Variants in USP4 observed in about 807,000 individuals in gnomAD.
USP4 encodes ubiquitin specific peptidase 4, also known as ubiquitin carboxyl-terminal hydrolase 4.
USP4 carries 72 observed loss-of-function variants against 118.2 expected under a neutral mutation model. The ratio of observed to expected loss-of-function variants is 0.61; its 90% CI spans 0.50 to 0.74. The LOEUF is 0.74. Ranked by LOEUF, USP4 falls within the 30% of genes least tolerant of loss-of-function variation. The pLI is 0.00. For synonymous variants in USP4, 415 were observed against 440.4 expected (o/e 0.94, Z 0.72); for missense variants, 1,037 against 1,185.7 (o/e 0.87, Z 1.84).
chr3:49,280,356 T>C (rs1259107583), intron 20 of USP4, among the ~76,000 whole-genome samples: 2 of 151,156 alleles, frequency 1.3e-5, no homozygotes, highest in Non-Finnish European at 2.9e-5. Context: ...GGTCAGGAGA[T>C]CGAGACCATC....
At chr3:49,338,868 C>A (rs933371054) in intron 1 of USP4, among the ~76,000 whole-genome samples, 4 of 152,068 alleles carry the variant, frequency 2.6e-5, no homozygotes, top group African/African-American at 4.8e-5. Context: ...AACACTCGGG[C>A]CGAGCACGGT....
chr3:49,335,473 A>C lies in USP4; in HGVS notation c.225T>G (p.Phe75Leu). ...FPGPIDNSGLFSDPESQTLKE... is the reference protein window; with the variant it reads ...FPGPIDNSGLLSDPESQTLKE... ...GAAAAGCAACATTTACTATACCTGAAAATAGCCCAGAGTTGTCTATTGGGC... is the reference window on the plus strand; with the variant it reads ...GAAAAGCAACATTTACTATACCTGACAATAGCCCAGAGTTGTCTATTGGGC... Residue 75 changes from phenylalanine (F) to leucine (L), a missense_variant, in exon 2 of 22, where the codon TTT becomes TTG. This residue lies in a region of USP4 where 487 missense variants were observed against 534.1 expected (regional missense o/e 0.91). Coordinates refer to ENST00000265560, the MANE Select transcript of USP4 (RefSeq NM_003363.4). The C allele has an allele frequency of 6.2e-7, 1 of 1,614,224 alleles. No homozygotes were observed.
intron 11 of USP4, 99 bp downstream of exon 11, chr3:49,300,368 G>T: frequency 1.9e-6 from 2 of 1,077,662 alleles, no homozygotes; most frequent in Non-Finnish European, 1.4e-6. Context: ...AAGTACCAAG[G>T]GGACTCAGAG....
rs1456794281 is a variant in USP4 at position 49,277,294 on chromosome 3, C to T, written c.*999G>A. The T allele has an allele frequency of 1.6e-6, 2 of 1,237,326 alleles. No individual in the cohort carries two copies. The highest frequency in any genetic ancestry group is 5.8e-5 in the East Asian group (1 of 17,328). The allele number at this position is 1,237,326 out of a possible 1,614,324, so 76.6% of individuals were successfully genotyped here. On this transcript the variant is annotated 3_prime_UTR_variant, in exon 22 of 22. Coordinates refer to ENST00000265560, the MANE Select transcript of USP4 (RefSeq NM_003363.4). ...GAAGGTCAGACAAAAAATCCCGGAC[C>T]CATACGTCCGGTTCCTTAAGGCCTT...
chr3:49,321,164 G>A (rs182107172), intron 6 of USP4, among the ~76,000 whole-genome samples: 11 of 152,132 alleles, frequency 7.2e-5, no homozygotes, highest in African/African-American at 2.4e-4. Context: ...TGCTTAATAC[G>A]CTAATTTGCA....
intron 11 of USP4, 110 bp downstream of exon 11, chr3:49,300,356 GC>G: frequency 1.1e-6 from 1 of 925,362 alleles, no homozygotes; most frequent in Non-Finnish European, 1.7e-6. Flanking sequence ...CCATACCCAG[GC>G]AAGTACCAAG....
At position 49,294,570 on chromosome 3, in the gene USP4, C is replaced by A; in HGVS notation, c.1720G>T (p.Gly574Cys). The change falls in exon 14 of 22, where the codon GGC (glycine) becomes TGC (cysteine). Residue 574 changes from glycine to cysteine, a missense_variant. Coordinates refer to ENST00000265560, the MANE Select transcript of USP4 (RefSeq NM_003363.4). ...ACTGGAAGCGTGACACATTCCGAGC[C>A]ATCCACGGAAGTGCTGCAGACCTCG... Reference protein sequence around the residue: ...VYEVCSTSVDGSECVTLPVYF... With the variant: ...VYEVCSTSVDCSECVTLPVYF... 3.1e-6 allele frequency: 5 copies of A among 1,614,088 alleles called. No individual in the cohort carries two copies. Among genetic ancestry groups the A allele is most frequent in the Non-Finnish European group, 4.2e-6 (5 of 1,179,992 alleles).
chr3:49,308,977 C>T (rs531480822), intron 8 of USP4, among the ~76,000 whole-genome samples: 3 of 144,572 alleles, frequency 2.1e-5, no homozygotes, highest in East Asian at 4.1e-4. Context: ...GGTTGCAGTG[C>T]GTCAAGATTG....
intron 1 of USP4, among the ~76,000 whole-genome samples, chr3:49,338,419 G>A (rs1283787388): frequency 6.6e-6 from 1 of 151,916 alleles, no homozygotes; most frequent in Non-Finnish European, 1.5e-5. Flanking sequence ...CAGCACTTTG[G>A]GAGGCCACAG....
At chr3:49,338,635 A>G (rs1368591560) in intron 1 of USP4, among the ~76,000 whole-genome samples, 1 of 146,492 alleles carries the variant, frequency 6.8e-6, no homozygotes, top group Non-Finnish European at 1.5e-5. Flanking sequence ...GCCCTCCAGC[A>G]TGGGCAACAA....
chr3:49,291,186 G>A (rs1053203483), intron 15 of USP4, among the ~76,000 whole-genome samples: 5 of 150,054 alleles, frequency 3.3e-5, no homozygotes, highest in Admixed American at 6.6e-5. Context: ...GGATAGTTTC[G>A]ATCTCCTGAC....
At chr3:49,335,003 T>A (rs558740912) in intron 2 of USP4, among the ~76,000 whole-genome samples, 1 of 152,310 alleles carries the variant, frequency 6.6e-6, no homozygotes, top group East Asian at 1.9e-4. Flanking sequence ...ACTACAGTCA[T>A]AACTCTGTCT....
intron 8 of USP4, among the ~76,000 whole-genome samples, chr3:49,309,526 GAT>G (rs1427804958): frequency 2.7e-5 from 4 of 150,916 alleles, no homozygotes; most frequent in African/African-American, 9.7e-5. Flanking sequence ...CCAGAGTTGT[GAT>G]TACAGGTGTG....
Position 49,324,894 on chromosome 3 carries a change from C to T in USP4, c.633G>A (p.Gln211=). ...TVQDAGLYQG[Q]VLVIEPQNED... The stretch of plus-strand genomic sequence containing the variant: ...TGGGGAATGGCCAGGGCCCTCCTAC[C>T]TGACCCTGGTATAGCCCAGCATCCT... The change falls in exon 5 of 22, where the codon CAG becomes CAA. Residue 211 remains glutamine (Q), a splice_region_variant and synonymous_variant. Transcript: ENST00000265560. 1 of 1,614,160 alleles carries T rather than the reference C, an allele frequency of 6.2e-7. No homozygotes were observed. The highest frequency in any genetic ancestry group is 8.5e-7 in the Non-Finnish European group (1 of 1,180,006).
intron 1 of USP4, among the ~76,000 whole-genome samples, chr3:49,337,329 C>T (rs2047679093): frequency 6.6e-6 from 1 of 152,028 alleles, no homozygotes; most frequent in South Asian, 2.1e-4. Context: ...TACACATACA[C>T]ATGTACATAT....
chr3:49,309,614 G>A (rs1319812342), intron 8 of USP4, among the ~76,000 whole-genome samples: 2 of 138,894 alleles, frequency 1.4e-5, no homozygotes, highest in Non-Finnish European at 3.1e-5. Context: ...CATGGGGCGG[G>A]ACAGCTTTTT....
rs1425505874 is a variant in USP4 at position 49,325,567 on chromosome 3, GGC to G, written c.487+150_487+151del. ...CTCCATAAGAATTCCTGGAGGAATA[GGC>G]CCCCAGGTCAGGACTGGCAACTACA... On this transcript the variant is annotated intron_variant, in intron 4 of 21. Coordinates refer to ENST00000265560, the MANE Select transcript of USP4 (RefSeq NM_003363.4). 1.0e-5 allele frequency: 11 copies of G among 1,069,288 alleles called. No individual in the cohort carries two copies. The Admixed American group carries it at 2.5e-4, about 24-fold the overall frequency. The allele number at this position is 1,069,288 out of a possible 1,614,324, so 66.2% of individuals were successfully genotyped here.
chr3:49,302,656 C>T, intron 9 of USP4, 114 bp from the exon 10 acceptor site: 5 of 1,057,836 alleles, frequency 4.7e-6, no homozygotes, highest in Non-Finnish European at 6.7e-6. Context: ...TGAGAGAGAA[C>T]ACTTGGTTGA....
intron 9 of USP4, among the ~76,000 whole-genome samples, chr3:49,302,930 C>T (rs1471773096): frequency 6.6e-6 from 1 of 152,208 alleles, no homozygotes; most frequent in African/African-American, 2.4e-5. Flanking sequence ...TCCTCCTGTA[C>T]ATAACAGCCC....
Sources: gnomAD v4.1 joint callset for allele counts (sites outside exome capture counted in the v4.1 genomes callset) on GRCh38, gnomAD v4.1.1 for gene constraint, gnomAD v4.1.1 regional missense constraint, MANE v1.5 for transcripts, NCBI Gene and HGNC (gene_info 2026-07-23, HGNC 2026-07-21) for gene names.